The following ROBO1 variants were observed in gnomAD, a reference collection of about 807,000 sequenced individuals.
The protein encoded by ROBO1 is roundabout guidance receptor 1, also known as roundabout homolog 1.
A neutral mutation model predicts 195.9 loss-of-function variants in ROBO1; 149 were observed. The observed-to-expected ratio is 0.76, with a 90% confidence interval of 0.67 to 0.87. The LOEUF is 0.87. Among genes scored for constraint, ROBO1 ranks in the 40% least tolerant of loss-of-function variants. The pLI is 0.00. For missense variants in ROBO1, 1,933 were observed against 2,068.3 expected (o/e 0.93, Z 1.27); for synonymous variants, 816 against 733.2 (o/e 1.11, Z -1.82).
chr3:79,268,947 A>G (rs2030259124), intron 2 of ROBO1, among the ~76,000 whole-genome samples: 1 of 151,794 alleles, frequency 6.6e-6, no homozygotes, highest in African/African-American at 2.4e-5. Flanking sequence ...CATAATAAGT[A>G]CAACATTAAC....
At chr3:79,127,953 T>G (rs150988032) in intron 2 of ROBO1, among the ~76,000 whole-genome samples, 1 of 152,294 alleles carries the variant, frequency 6.6e-6, no homozygotes, top group East Asian at 1.9e-4. Flanking sequence ...ATGCTAGACC[T>G]AAAGGAAACA....
chr3:79,708,796 G>A (rs1702160826), intron 1 of ROBO1, among the ~76,000 whole-genome samples: 1 of 152,192 alleles, frequency 6.6e-6, no homozygotes, highest in Non-Finnish European at 1.5e-5. Context: ...GAGCCCAGGA[G>A]ATGGAGGCTG....
intron 4 of ROBO1, among the ~76,000 whole-genome samples, chr3:78,933,890 C>T (rs944850738): frequency 1.3e-5 from 2 of 151,966 alleles, no homozygotes; most frequent in Admixed American, 6.6e-5. Context: ...CAATTTCCCA[C>T]ATGATCAATT....
At position 79,400,561 on chromosome 3, in the gene ROBO1, C is replaced by T. The variant is rs911345785; in HGVS notation, c.88+189263G>A. Among the ~76,000 whole-genome samples the T allele has an allele frequency of 4.4e-4, 67 of 152,056 alleles. 3 individuals carry two copies. The highest frequency in any genetic ancestry group is 3.3e-3 in the Admixed American group (51 of 15,264). On this transcript the variant is annotated intron_variant, in intron 2 of 30. Coordinates refer to ENST00000464233, the MANE Select transcript of ROBO1 (RefSeq NM_002941.4). ...GGGTAATTTTTAATTTTTCTTTTTA[C>T]GTATTGATAATAAGTTAGCTGTCAA...
intron 2 of ROBO1, among the ~76,000 whole-genome samples, chr3:79,199,008 A>C (rs1412645690): frequency 6.6e-6 from 1 of 151,966 alleles, no homozygotes; most frequent in East Asian, 1.9e-4. Flanking sequence ...TTCCTAATTG[A>C]ATACCCTTTA....
At chr3:79,248,370 A>G (rs2082661854) in intron 2 of ROBO1, among the ~76,000 whole-genome samples, 1 of 142,330 alleles carries the variant, frequency 7.0e-6, no homozygotes, top group Admixed American at 7.1e-5. Flanking sequence ...ATGGGAAGAC[A>G]GACCAAAAAA....
intron 4 of ROBO1, among the ~76,000 whole-genome samples, chr3:78,878,583 CAAAAAAAAAAAA>C (rs35108863): frequency 2.2e-5 from 1 of 46,348 alleles, no homozygotes; most frequent in Non-Finnish European, 4.2e-5. Context: ...AACCCCATCT[CAAAAAAAAAAAA>C]AAAAAAAAAA....
At chr3:79,284,399 G>A (rs1043532846) in intron 2 of ROBO1, among the ~76,000 whole-genome samples, 1 of 152,156 alleles carries the variant, frequency 6.6e-6, no homozygotes, top group East Asian at 1.9e-4. Context: ...GGGTTGATGG[G>A]TGCAGCAAAC....
chr3:78,626,652 T>C (rs984785815), intron 26 of ROBO1, among the ~76,000 whole-genome samples: 4 of 152,030 alleles, frequency 2.6e-5, no homozygotes, highest in African/African-American at 9.7e-5. Flanking sequence ...AGCTTTTATG[T>C]GGTAGAAATG....
chr3:79,029,101 A>G (rs1344784085), intron 3 of ROBO1, among the ~76,000 whole-genome samples: 1 of 152,050 alleles, frequency 6.6e-6, no homozygotes, highest in Non-Finnish European at 1.5e-5. Context: ...ACATAAATAT[A>G]CTAGTCTAAA....
intron 4 of ROBO1, among the ~76,000 whole-genome samples, chr3:78,898,544 T>A (rs915294560): frequency 6.6e-6 from 1 of 151,298 alleles, no homozygotes; most frequent in East Asian, 2.0e-4. Flanking sequence ...CCCACCACCA[T>A]GCCCGGCTAA....
intron 25 of ROBO1, among the ~76,000 whole-genome samples, chr3:78,630,000 C>T (rs1012241784): frequency 6.6e-6 from 1 of 152,146 alleles, no homozygotes. Flanking sequence ...TAAAATGGCC[C>T]TCAAAAGAAG....
intron 3 of ROBO1, among the ~76,000 whole-genome samples, chr3:79,110,409 T>G (rs1452997336): frequency 6.6e-6 from 1 of 152,046 alleles, no homozygotes; most frequent in Non-Finnish European, 1.5e-5. Flanking sequence ...TGACTTATTC[T>G]AGACATTATT....
At chr3:79,258,764 A>G (rs568594199) in intron 2 of ROBO1, among the ~76,000 whole-genome samples, 1 of 152,248 alleles carries the variant, frequency 6.6e-6, no homozygotes, top group East Asian at 1.9e-4. Flanking sequence ...AGAATTTGTC[A>G]TGTCAAATTG....
At chr3:79,572,642 T>C (rs1032815900) in intron 2 of ROBO1, among the ~76,000 whole-genome samples, 1 of 152,110 alleles carries the variant, frequency 6.6e-6, no homozygotes, top group Non-Finnish European at 1.5e-5. Flanking sequence ...TTATGACATA[T>C]GTAGATTATA....
chr3:79,579,081 T>C (rs1179155222), intron 2 of ROBO1, among the ~76,000 whole-genome samples: 3 of 152,176 alleles, frequency 2.0e-5, no homozygotes, highest in Admixed American at 2.0e-4. Context: ...TTAGATGGCA[T>C]CTTGCAATCA....
chr3:79,126,837 T>C (rs1385917755), intron 2 of ROBO1, among the ~76,000 whole-genome samples: 2 of 152,106 alleles, frequency 1.3e-5, no homozygotes, highest in Non-Finnish European at 2.9e-5. Flanking sequence ...TATTTTGTCT[T>C]AGACACAGCT....
intron 2 of ROBO1, among the ~76,000 whole-genome samples, chr3:79,322,075 A>T (rs1002754822): frequency 7.9e-5 from 12 of 152,190 alleles, no homozygotes; most frequent in African/African-American, 2.9e-4. Flanking sequence ...CCAATGGTTT[A>T]GATAATTTGC....
chr3:78,816,592 G>T (rs939311464), intron 4 of ROBO1, among the ~76,000 whole-genome samples: 3 of 152,066 alleles, frequency 2.0e-5, no homozygotes, highest in African/African-American at 7.2e-5. Context: ...ACCATTTTAG[G>T]TGACATTTTG....
Sources: allele counts gnomAD v4.1 joint callset (sites outside exome capture counted in the v4.1 genomes callset), GRCh38; gene constraint gnomAD v4.1.1; transcripts MANE v1.5; gene names NCBI Gene and HGNC (gene_info 2026-07-23, HGNC 2026-07-21).